The following RAB3GAP2 variants were observed in gnomAD, a reference collection of about 807,000 sequenced individuals.
RAB3GAP2 encodes rab3 GTPase-activating protein non-catalytic subunit.
RAB3GAP2 carries 87 observed loss-of-function variants against 185.3 expected under a neutral mutation model. That is an observed-to-expected ratio of 0.47 (90% CI 0.39 to 0.56). RAB3GAP2 has a LOEUF of 0.56. RAB3GAP2 is among the 20% of genes least tolerant of loss of function. The pLI, the probability that RAB3GAP2 is intolerant of heterozygous loss-of-function variation, is 0.00. For missense variants in RAB3GAP2, 1,492 were observed against 1,638.2 expected (o/e 0.91, Z 1.54); for synonymous variants, 554 against 576.1 (o/e 0.96, Z 0.55).
chr1:220,212,388 C>T (rs150765761), intron 4 of RAB3GAP2, among the ~76,000 whole-genome samples: 2 of 152,296 alleles, frequency 1.3e-5, no homozygotes, highest in African/African-American at 4.8e-5. Context: ...AACATAATTA[C>T]ACGATATATA....
chr1:220,253,680 C>T (rs1346423324), intron 1 of RAB3GAP2: 1 of 1,606,630 alleles, frequency 6.2e-7, no homozygotes. Context: ...CCATAAAGGA[C>T]AAACAAGTGA....
chr1:220,210,488 T>C lies in RAB3GAP2; in HGVS notation c.512A>G (p.Asn171Ser). ...TSGYVRFYTE[N>S]GVLLLAQLLN... ...AAGCTGTGCAAGCAAGAGCACACCA[T>C]TCTAGGAGGAAGCACAGAGAAGGGC... The change falls in exon 7 of 35, where the codon AAT (asparagine) becomes AGT (serine). Residue 171 changes from asparagine to serine, a missense_variant and splice_region_variant. Physicochemically the swap from Asn to Ser is conservative, Grantham distance 46 (BLOSUM62 1). This residue lies in a region of RAB3GAP2 where 243 missense variants were observed against 314.8 expected (regional missense o/e 0.77). Coordinates refer to ENST00000358951, the MANE Select transcript of RAB3GAP2 (RefSeq NM_012414.4). The C allele has an allele frequency of 6.2e-7, 1 of 1,612,130 alleles. No individual in the cohort carries two copies. Among genetic ancestry groups the C allele is most frequent in the East Asian group, 2.2e-5 (1 of 44,866 alleles).
At chr1:220,200,384 T>C (rs1410504331) in intron 9 of RAB3GAP2, among the ~76,000 whole-genome samples, 1 of 152,224 alleles carries the variant, frequency 6.6e-6, no homozygotes, top group African/African-American at 2.4e-5. Flanking sequence ...ATTTAGTTTA[T>C]TGTTTGTCTC....
intron 1 of RAB3GAP2, chr1:220,267,577 G>C: frequency 7.3e-7 from 1 of 1,363,252 alleles, no homozygotes. Context: ...TTTGATGCCA[G>C]TTCCTCCTCA....
In RAB3GAP2 at chr1:220,183,951, T is replaced by C. The variant is rs1375560784; in HGVS notation, c.1998+85A>G. On this transcript the variant is annotated intron_variant, in intron 19 of 34. Transcript: ENST00000358951. The stretch of plus-strand genomic sequence containing the variant: ...TTAAAGCTTTAAAAAAAATTCTTAA[T>C]TTTCTACTTCTTTACTACTAATTTT... 4 of 1,213,170 alleles carry C rather than the reference T, an allele frequency of 3.3e-6. No homozygotes were observed. The African/African-American group carries it at 6.2e-5, about 19-fold the overall frequency. The allele number at this position is 1,213,170 out of a possible 1,614,324, so 75.2% of individuals were successfully genotyped here. A position where few individuals can be genotyped will look rare whatever the true frequency, so the allele number is the denominator to read the frequency against.
At chr1:220,182,401 T>C in intron 20 of RAB3GAP2, 47 bp from the exon 21 acceptor site, 2 of 1,610,414 alleles carry the variant, frequency 1.2e-6, no homozygotes, top group African/African-American at 1.3e-5. Context: ...TACTTACCAT[T>C]TGGACTAACA....
Position 220,199,221 on chromosome 1 carries a change from T to C in RAB3GAP2, c.812-2823A>G, listed in dbSNP as rs146493391. Reference sequence around the variant, plus strand: ...GGAGGAAATTACTCGATTTTGGATATGTTAAGTTTGACATCTAGGTAGAAA... The same window carrying C: ...GGAGGAAATTACTCGATTTTGGATACGTTAAGTTTGACATCTAGGTAGAAA... On this transcript the variant is annotated intron_variant, in intron 9 of 34. Transcript: ENST00000358951. Among the ~76,000 whole-genome samples, 956 of 152,150 alleles carry C rather than the reference T, an allele frequency of 6.3e-3. 8 individuals are homozygous for C. Among genetic ancestry groups the C allele is most frequent in the African/African-American group, 0.022 (908 of 41,504 alleles).
intron 2 of RAB3GAP2, among the ~76,000 whole-genome samples, chr1:220,231,009 C>T (rs1659489418): frequency 6.6e-6 from 1 of 152,206 alleles, no homozygotes; most frequent in African/African-American, 2.4e-5. Context: ...CTGCAACAGC[C>T]TTGTAATTGG....
chr1:220,223,960 C>T (rs1339132557), intron 2 of RAB3GAP2, among the ~76,000 whole-genome samples: 6 of 136,574 alleles, frequency 4.4e-5, no homozygotes, highest in Non-Finnish European at 7.6e-5. Context: ...GAGCCATGAT[C>T]GTGCCACTGC....
chr1:220,224,215 A>G (rs936312039), intron 2 of RAB3GAP2, among the ~76,000 whole-genome samples: 1 of 152,180 alleles, frequency 6.6e-6, no homozygotes, highest in Non-Finnish European at 1.5e-5. Flanking sequence ...GAAAAGTTAA[A>G]TAACTTGCCC....
intron 1 of RAB3GAP2, among the ~76,000 whole-genome samples, chr1:220,235,479 T>G (rs1156264031): frequency 1.3e-5 from 2 of 152,174 alleles, no homozygotes; most frequent in Non-Finnish European, 2.9e-5. Flanking sequence ...AAATAATGTA[T>G]ATATCAAATT....
rs368788359 is a variant in RAB3GAP2 at position 220,157,844 on chromosome 1, A to G, written c.3294T>C (p.Ser1098=). 2.2e-5 allele frequency: 36 copies of G among 1,613,732 alleles called. No homozygotes were observed. Among genetic ancestry groups the G allele is most frequent in the East Asian group, 1.3e-4 (6 of 44,864 alleles). The change falls in exon 30 of 35, where the codon TCT becomes TCC. Residue 1098 remains serine, a synonymous_variant. Coordinates refer to ENST00000358951, the MANE Select transcript of RAB3GAP2 (RefSeq NM_012414.4). ...DVGMSDTAMT[S]FLGSCLDLLQ... ...GAAGATCCAAACAGGAGCCGAGGAA[A>G]GATGTCATTGCTGTGTCACTCATTC...
chr1:220,209,735 C>T (rs75143038), intron 7 of RAB3GAP2, among the ~76,000 whole-genome samples: 113 of 152,048 alleles, frequency 7.4e-4, no homozygotes, highest in African/African-American at 2.6e-3. Context: ...TTTTGGAGGC[C>T]AAGTAGTACA....
At chr1:220,233,119 G>A (rs895299559) in intron 1 of RAB3GAP2, among the ~76,000 whole-genome samples, 11 of 152,046 alleles carry the variant, frequency 7.2e-5, no homozygotes, top group Admixed American at 1.3e-4. Context: ...TGAGTTATCT[G>A]GATCTTAAGA....
chr1:220,267,728 CT>C (rs1433487484), intron 1 of RAB3GAP2: 1 of 1,568,152 alleles, frequency 6.4e-7, no homozygotes, highest in African/African-American at 1.4e-5. Flanking sequence ...TGGAGACAAG[CT>C]TTTGTGCTTG....
rs542873349 is a variant in RAB3GAP2, at chr1:220,214,752, T to C, written c.181-773A>G. The stretch of plus-strand genomic sequence containing the variant: ...TTTCATTAGACGTTTATGTATTGTA[T>C]AGGTAAATCCCCATGGTTAAAAATT... On this transcript the variant is annotated intron_variant, in intron 2 of 34. Transcript: ENST00000358951. Among the ~76,000 whole-genome samples the C allele has an allele frequency of 3.9e-3, 599 of 151,830 alleles. 6 individuals carry two copies. The highest frequency in any genetic ancestry group is 0.013 in the African/African-American group (544 of 41,452).
chr1:220,151,964 T>C (rs1359922308), intron 33 of RAB3GAP2, among the ~76,000 whole-genome samples, 200 bp from the exon 34 acceptor site: 1 of 152,228 alleles, frequency 6.6e-6, no homozygotes, highest in African/African-American at 2.4e-5. Flanking sequence ...TAATTTTTTT[T>C]TCTCTCATCA....
intron 1 of RAB3GAP2, among the ~76,000 whole-genome samples, chr1:220,264,860 T>A (rs1041376340): frequency 6.6e-6 from 1 of 152,150 alleles, no homozygotes; most frequent in East Asian, 1.9e-4. Flanking sequence ...TATCATAGCA[T>A]AACACCTCTA....
In RAB3GAP2 at chr1:220,214,946, TTA is replaced by T. The variant is rs10526805; in HGVS notation, c.181-969_181-968del. Among the ~76,000 whole-genome samples the T allele has an allele frequency of 3.4e-3, 307 of 89,616 alleles. 14 individuals carry two copies. The highest frequency in any genetic ancestry group is 0.011 in the Admixed American group (89 of 8,178). 58.8% of individuals were successfully genotyped at this position (89,616 alleles called of 152,430 possible). A position where few individuals can be genotyped will look rare whatever the true frequency, so the allele number is the denominator to read the frequency against. The stretch of plus-strand genomic sequence containing the variant: ...CCTTTTTCTTACAAGAATAGTAGCA[TTA>T]TATATATATATATATATATATATAT... On this transcript the variant is annotated intron_variant, in intron 2 of 34. Transcript: ENST00000358951.
Sources: allele counts gnomAD v4.1 joint callset (sites outside exome capture counted in the v4.1 genomes callset), GRCh38; gene constraint gnomAD v4.1.1; regional missense constraint gnomAD v4.1.1; transcripts MANE v1.5; gene names NCBI Gene and HGNC (gene_info 2026-07-23, HGNC 2026-07-21).